Variants in DPP6 observed in about 807,000 individuals in gnomAD.
DPP6 encodes dipeptidyl peptidase like 6.
In DPP6, 69 loss-of-function variants were observed where a neutral mutation model predicts 122.6. The ratio of observed to expected loss-of-function variants is 0.56; its 90% CI spans 0.46 to 0.69. The LOEUF is 0.69. Ranked by LOEUF, DPP6 falls within the 30% of genes least tolerant of loss-of-function variation. The probability of loss-of-function intolerance (pLI) is 0.00; values close to 1 mark genes in which losing one functional copy is unlikely to be tolerated. For synonymous variants in DPP6, 418 were observed against 433.1 expected, an observed-to-expected ratio of 0.97 and a Z score of 0.43; for missense variants, 928 against 1,116.9, an observed-to-expected ratio of 0.83 and a Z score of 2.41.
At chr7:154,487,397 A>G (rs1823890136) in intron 3 of DPP6, among the ~76,000 whole-genome samples, 1 of 152,178 alleles carries the variant, frequency 6.6e-6, no homozygotes, top group South Asian at 2.1e-4. Flanking sequence ...AGATGACAGG[A>G]TACGCCGTGC....
chr7:154,459,754 C>T (rs1301866014), intron 2 of DPP6, among the ~76,000 whole-genome samples: 8 of 131,650 alleles, frequency 6.1e-5, no homozygotes, highest in African/African-American at 2.1e-4. Flanking sequence ...GAGGCTGAGC[C>T]GAGATCATAC....
intron 5 of DPP6, among the ~76,000 whole-genome samples, chr7:154,617,328 A>G (rs868787433): frequency 6.6e-6 from 1 of 152,198 alleles, no homozygotes; most frequent in Non-Finnish European, 1.5e-5. Flanking sequence ...ATTGTTGGCA[A>G]TTGTTTTTGT....
chr7:153,985,962 C>G (rs1311521263), intron 1 of DPP6, among the ~76,000 whole-genome samples: 5 of 152,210 alleles, frequency 3.3e-5, no homozygotes, highest in African/African-American at 1.2e-4. Context: ...TCTCTGACTT[C>G]TAGGCGTCTG....
intron 10 of DPP6, among the ~76,000 whole-genome samples, chr7:154,785,736 C>G (rs1797296864): frequency 6.6e-6 from 1 of 152,192 alleles, no homozygotes; most frequent in African/African-American, 2.4e-5. Flanking sequence ...TTGGTTGATT[C>G]TAAAAGATTA....
At chr7:153,832,159 C>T in the DPP6 span, among the ~76,000 whole-genome samples, 4 of 152,132 alleles carry the variant, frequency 2.6e-5, no homozygotes, top group East Asian at 5.8e-4. Flanking sequence ...TCCAGCCTGG[C>T]TCTTTAAATA....
At chr7:154,055,774 A>G (rs571886546) in intron 1 of DPP6, 1 of 152,334 alleles carries the variant, frequency 6.6e-6, no homozygotes, top group East Asian at 1.9e-4. Context: ...TTCAGTCCTG[A>G]TCCCAAGGCT....
At chr7:154,097,723 C>T (rs12155107) in intron 1 of DPP6, among the ~76,000 whole-genome samples, 33,302 of 151,840 alleles carry the variant, frequency 0.22, 3,564 homozygotes, top group East Asian at 0.42. Flanking sequence ...TCCAGGAGCA[C>T]GCAGCTAGTG....
At position 154,175,884 on chromosome 7, in the gene DPP6, C is replaced by T. The variant is rs921258870; in HGVS notation, c.243+122821C>T. ...TGTATTTTTAGTAGAGACGGAGTTT[C>T]GTCATCTTGGCCAGGCTGGTCTCAA... On this transcript the variant is annotated intron_variant, in intron 1 of 25. Coordinates refer to ENST00000377770, the MANE Select transcript of DPP6 (RefSeq NM_130797.4). Among the ~76,000 whole-genome samples the T allele has an allele frequency of 2.0e-5, 3 of 152,084 alleles. No individual in the cohort carries two copies. The East Asian group carries it at 5.8e-4, about 29-fold the overall frequency.
At chr7:153,852,270 G>A in the DPP6 span, among the ~76,000 whole-genome samples, 23 of 152,068 alleles carry the variant, frequency 1.5e-4, no homozygotes, top group African/African-American at 5.6e-4. Context: ...CCTGAGACTG[G>A]GTAATTTATA....
chr7:154,675,544 C>T (rs973577876), intron 7 of DPP6, among the ~76,000 whole-genome samples: 3 of 152,090 alleles, frequency 2.0e-5, no homozygotes, highest in African/African-American at 4.8e-5. Flanking sequence ...CCCTGCAGGC[C>T]GGTCCTGCCG....
intron 1 of DPP6, among the ~76,000 whole-genome samples, chr7:154,087,848 T>C (rs1301320425): frequency 2.0e-5 from 3 of 152,204 alleles, no homozygotes; most frequent in Non-Finnish European, 2.9e-5. Context: ...TAGACACATA[T>C]GTATGCAAGG....
In DPP6 at chr7:154,824,169, A is replaced by G. The variant is rs566102107; in HGVS notation, c.1666+17057A>G. On this transcript the variant is annotated intron_variant, in intron 16 of 25. Coordinates refer to ENST00000377770, the MANE Select transcript of DPP6 (RefSeq NM_130797.4). The stretch of plus-strand genomic sequence containing the variant: ...CGCCTTACACAAAGACTGCTGACAC[A>G]TTTTGGTCAACAGTAAAATACCTAT... 2.6e-4 allele frequency among the ~76,000 whole-genome samples: 40 copies of G among 152,354 alleles called. 1 individual carries two copies. The South Asian group carries it at 8.1e-3, about 31-fold the overall frequency.
chr7:154,263,558 G>C (rs1440806860), intron 1 of DPP6, among the ~76,000 whole-genome samples: 1 of 152,222 alleles, frequency 6.6e-6, no homozygotes, highest in East Asian at 1.9e-4. Flanking sequence ...TCCATGAGAA[G>C]TGGGTGCTTC....
chr7:153,976,412 C>T (rs932009226), intron 1 of DPP6, among the ~76,000 whole-genome samples: 1 of 152,204 alleles, frequency 6.6e-6, no homozygotes, highest in Non-Finnish European at 1.5e-5. Context: ...CCATCAAGAG[C>T]CAACCCTGGT....
At chr7:153,849,591 A>G in the DPP6 span, among the ~76,000 whole-genome samples, 2 of 152,188 alleles carry the variant, frequency 1.3e-5, no homozygotes, top group African/African-American at 4.8e-5. Context: ...AAGTTATTCC[A>G]AAAGTCTATT....
chr7:154,829,036 A>G (rs1800413195), intron 16 of DPP6, among the ~76,000 whole-genome samples: 1 of 152,162 alleles, frequency 6.6e-6, no homozygotes, highest in Non-Finnish European at 1.5e-5. Context: ...TCACATTTAT[A>G]TTTATATTAT....
chr7:153,921,845 A>G (rs1800652266), intron 1 of DPP6, among the ~76,000 whole-genome samples: 1 of 152,226 alleles, frequency 6.6e-6, no homozygotes, highest in African/African-American at 2.4e-5. Context: ...TGATTCAAGC[A>G]AACTTGAAAG....
rs1312055124 is a variant in DPP6 at position 154,053,045 on chromosome 7, C to T, written c.225C>T (p.Ser75=). The change falls in exon 1 of 26, where the codon AGC becomes AGT. Residue 75 remains serine, a synonymous_variant. Transcript: ENST00000377770. ...GRPRFQYQAR[S]DGDEEDELVG... ...CCCGGTTCCAGTACCAGGCGCGGAG[C>T]GATGGTGACGAGGAGGACGTAAGAG... The T allele has an allele frequency of 5.3e-5, 56 of 1,056,934 alleles. No homozygotes were observed. The highest frequency in any genetic ancestry group is 6.1e-5 in the Non-Finnish European group (53 of 875,494). The allele number at this position is 1,056,934 out of a possible 1,614,324, so 65.5% of individuals were successfully genotyped here. A position where few individuals can be genotyped will look rare whatever the true frequency, so the allele number is the denominator to read the frequency against.
chr7:154,540,652 A>T, intron 4 of DPP6, 26 bp downstream of exon 4: 1 of 1,385,268 alleles, frequency 7.2e-7, no homozygotes, highest in Middle Eastern at 1.8e-4. Flanking sequence ...AATGACCGGG[A>T]TAATTTCAGT....
Sources: gnomAD v4.1 joint callset for allele counts (sites outside exome capture counted in the v4.1 genomes callset) on GRCh38, gnomAD v4.1.1 for gene constraint, MANE v1.5 for transcripts, NCBI Gene and HGNC (gene_info 2026-07-23, HGNC 2026-07-21) for gene names.